RERG: variants seen among roughly 807,000 people sequenced by gnomAD.
RERG encodes the protein RAS like estrogen regulated growth inhibitor, also known as ras-related and estrogen-regulated growth inhibitor.
A neutral mutation model predicts 23.2 loss-of-function variants in RERG; 25 were observed. That is an observed-to-expected ratio of 1.08 (90% CI 0.79 to 1.50). The LOEUF (loss-of-function observed/expected upper bound fraction) is 1.50. Ranked by LOEUF, RERG falls within the 40% of genes most tolerant of loss-of-function variation. RERG has a pLI of 0.00. For missense variants in RERG, 253 were observed against 250.1 expected, an observed-to-expected ratio of 1.01 and a Z score of -0.08; for synonymous variants, 81 against 89.1, an observed-to-expected ratio of 0.91 and a Z score of 0.51.
chr12:15,188,447 T>G (rs1865023542), intron 2 of RERG, among the ~76,000 whole-genome samples: 1 of 152,132 alleles, frequency 6.6e-6, no homozygotes, highest in African/African-American at 2.4e-5. Flanking sequence ...TGGATCGTCA[T>G]GCATGAAGAA....
At chr12:15,151,603 G>A (rs1267731785) in intron 2 of RERG, among the ~76,000 whole-genome samples, 3 of 152,196 alleles carry the variant, frequency 2.0e-5, no homozygotes, top group African/African-American at 7.2e-5. Flanking sequence ...AAAATGCTAA[G>A]TGGTAACAAA....
At chr12:15,116,812 AATGTGT>A (rs1863729211) in intron 3 of RERG, among the ~76,000 whole-genome samples, 1 of 152,184 alleles carries the variant, frequency 6.6e-6, no homozygotes, top group African/African-American at 2.4e-5. Context: ...CATAAAAGAA[AATGTGT>A]ATGTGTTTGT....
intron 2 of RERG, among the ~76,000 whole-genome samples, chr12:15,201,256 G>A (rs901529476): frequency 3.3e-5 from 5 of 151,738 alleles, no homozygotes; most frequent in African/African-American, 1.2e-4. Context: ...AATATTTGTC[G>A]AGTGTCTACA....
chr12:15,179,112 G>T (rs931525086), intron 2 of RERG, among the ~76,000 whole-genome samples: 1 of 152,162 alleles, frequency 6.6e-6, no homozygotes, highest in African/African-American at 2.4e-5. Context: ...ATGTTTTGGG[G>T]GTAGGGAAGA....
At chr12:15,212,133 C>T (rs1207334690) in intron 2 of RERG, among the ~76,000 whole-genome samples, 1 of 143,072 alleles carries the variant, frequency 7.0e-6, no homozygotes, top group African/African-American at 2.6e-5. Context: ...AATCTCGGCT[C>T]ACTGCAAGCT....
intron 2 of RERG, among the ~76,000 whole-genome samples, chr12:15,170,843 C>T (rs1864768088): frequency 6.6e-6 from 1 of 152,206 alleles, no homozygotes; most frequent in African/African-American, 2.4e-5. Flanking sequence ...TTCCTAAAAA[C>T]CAGAGGAAAT....
chr12:15,167,550 T>C (rs939091962), intron 2 of RERG, among the ~76,000 whole-genome samples: 7 of 152,112 alleles, frequency 4.6e-5, no homozygotes, highest in Non-Finnish European at 8.8e-5. Context: ...TGAGAAGCAA[T>C]GTTTGGGAGA....
chr12:15,142,786 A>AC (rs1457337439), intron 2 of RERG, among the ~76,000 whole-genome samples: 1 of 152,114 alleles, frequency 6.6e-6, no homozygotes. Context: ...CCTAAAAAAA[A>AC]CCCCTGAAAT....
chr12:15,109,020 AC>A lies in RERG; in HGVS notation c.*89del. On this transcript the variant is annotated 3_prime_UTR_variant, in exon 5 of 5. Coordinates refer to ENST00000256953, the MANE Select transcript of RERG (RefSeq NM_032918.3). ...AGCCCAGACATTTCTCAGAATCCAA[AC>A]AAAGAATGCAATATTTTGTTTTATT... The A allele has an allele frequency of 7.7e-7, 1 of 1,298,658 alleles. No individual in the cohort carries two copies. The highest frequency in any genetic ancestry group is 1.1e-6 in the Non-Finnish European group (1 of 943,886). The allele number at this position is 1,298,658 out of a possible 1,614,324, so 80.4% of individuals were successfully genotyped here. A position where few individuals can be genotyped will look rare whatever the true frequency, so the allele number is the denominator to read the frequency against.
At chr12:15,152,404 A>C (rs1263025866) in intron 2 of RERG, among the ~76,000 whole-genome samples, 1 of 152,176 alleles carries the variant, frequency 6.6e-6, no homozygotes, top group Non-Finnish European at 1.5e-5. Flanking sequence ...GCTATTATCC[A>C]TAGTGTTTCC....
In RERG at chr12:15,187,705, C is replaced by A. The variant is rs1473491010; in HGVS notation, c.61+29724G>T. 2.6e-5 allele frequency among the ~76,000 whole-genome samples: 4 copies of A among 151,848 alleles called. No homozygotes were observed. In the East Asian group the frequency reaches 7.8e-4, roughly 29 times the overall value. ...TCCCGAGTAGCTGGAATTACAGGCA[C>A]CCGCCACCACACCCAGCTATTTTTT... On this transcript the variant is annotated intron_variant, in intron 2 of 4. Transcript: ENST00000256953.
rs1229821117 is a variant in RERG, at chr12:15,118,067, C to T, written c.118+2996G>A. Among the ~76,000 whole-genome samples, 41 of 152,104 alleles carry T rather than the reference C, an allele frequency of 2.7e-4. 1 individual carries two copies. Among genetic ancestry groups the T allele is most frequent in the Admixed American group, 2.6e-3 (40 of 15,260 alleles). ...CTGATTTTTTTTACATTGTATCCTTCGAAACACTCGGATGTTAAAGCAATT... is the reference window on the plus strand; with the variant it reads ...CTGATTTTTTTTACATTGTATCCTTTGAAACACTCGGATGTTAAAGCAATT... On this transcript the variant is annotated intron_variant, in intron 3 of 4. Transcript: ENST00000256953.
intron 2 of RERG, among the ~76,000 whole-genome samples, chr12:15,184,403 T>G (rs1297636851): frequency 6.6e-6 from 1 of 151,426 alleles, no homozygotes; most frequent in African/African-American, 2.4e-5. Flanking sequence ...TGTATTCTGC[T>G]TTTCTAAACT....
chr12:15,124,772 A>G (rs1863906301), intron 2 of RERG, among the ~76,000 whole-genome samples: 1 of 151,898 alleles, frequency 6.6e-6, no homozygotes, highest in African/African-American at 2.4e-5. Context: ...TATTTATGGG[A>G]CTGTGGTGAG....
At chr12:15,187,771 C>G (rs1865013431) in intron 2 of RERG, among the ~76,000 whole-genome samples, 1 of 151,960 alleles carries the variant, frequency 6.6e-6, no homozygotes, top group South Asian at 2.1e-4. Flanking sequence ...GTTGGCCAGG[C>G]TGGTCTTGAA....
At chr12:15,153,974 A>C (rs1591650354) in intron 2 of RERG, among the ~76,000 whole-genome samples, 1 of 152,184 alleles carries the variant, frequency 6.6e-6, no homozygotes, top group East Asian at 1.9e-4. Flanking sequence ...ATGATATGGA[A>C]ACATAAGGAG....
At chr12:15,178,649 TAA>T (rs1864884416) in intron 2 of RERG, among the ~76,000 whole-genome samples, 2 of 152,130 alleles carry the variant, frequency 1.3e-5, no homozygotes, top group Non-Finnish European at 2.9e-5. Flanking sequence ...ATACGGATAA[TAA>T]AACCTGTTGG....
At chr12:15,121,597 A>T (rs1466118022) in intron 2 of RERG, among the ~76,000 whole-genome samples, 1 of 152,232 alleles carries the variant, frequency 6.6e-6, no homozygotes, top group Non-Finnish European at 1.5e-5. Context: ...AAAATTAAGG[A>T]TTTTTATTAG....
intron 2 of RERG, among the ~76,000 whole-genome samples, chr12:15,150,156 G>A (rs1158069464): frequency 4.6e-5 from 7 of 152,196 alleles, no homozygotes; most frequent in Admixed American, 3.9e-4. Context: ...GTCACCTTTG[G>A]ATGGGATCTG....
Sources: gnomAD v4.1 joint callset for allele counts (sites outside exome capture counted in the v4.1 genomes callset) on GRCh38, gnomAD v4.1.1 for gene constraint, MANE v1.5 for transcripts, NCBI Gene and HGNC (gene_info 2026-07-23, HGNC 2026-07-21) for gene names.